The following OR11A1 variants were observed in gnomAD, a reference collection of about 807,000 sequenced individuals.
The protein encoded by OR11A1 is olfactory receptor 11A1.
For missense variants in OR11A1, 380 were observed against 378.2 expected, an observed-to-expected ratio of 1.00 and a Z score of -0.04; for synonymous variants, 158 against 152.2, an observed-to-expected ratio of 1.04 and a Z score of -0.28.
At chr6:29,438,306 G>A (rs1222168435) in intron 1 of OR11A1, among the ~76,000 whole-genome samples, 1 of 152,010 alleles carries the variant, frequency 6.6e-6, no homozygotes, top group Non-Finnish European at 1.5e-5. Flanking sequence ...ATCAAAGCAA[G>A]AAAAATTAGT....
chr6:29,447,865 A>G (rs1356285654), intron 1 of OR11A1, among the ~76,000 whole-genome samples: 1 of 152,164 alleles, frequency 6.6e-6, no homozygotes, highest in Non-Finnish European at 1.5e-5. Context: ...GACACTGGAT[A>G]TGCATTCTTT....
At position 29,451,291 on chromosome 6, in the gene OR11A1, G is replaced by A. The variant is rs556741010; in HGVS notation, c.-389+5696C>T. Among the ~76,000 whole-genome samples, 7 of 152,192 alleles carry A rather than the reference G, an allele frequency of 4.6e-5. No homozygotes were observed. The South Asian group carries it at 1.5e-3, about 32-fold the overall frequency. ...AAATACCATTCTGTACATACAAATG[G>A]GTGAAGATTTCATGATAAAGTTGTC... On this transcript the variant is annotated intron_variant, in intron 1 of 4. Coordinates refer to ENST00000377149, the MANE Select transcript of OR11A1 (RefSeq NM_001394828.1).
chr6:29,452,023 G>A (rs1785457318), intron 1 of OR11A1, among the ~76,000 whole-genome samples: 1 of 152,142 alleles, frequency 6.6e-6, no homozygotes, highest in African/African-American at 2.4e-5. Flanking sequence ...CATGGCCTTT[G>A]CAGCAACATG....
chr6:29,437,784 C>G (rs971855610), intron 1 of OR11A1, among the ~76,000 whole-genome samples: 3 of 152,200 alleles, frequency 2.0e-5, no homozygotes, highest in African/African-American at 7.2e-5. Context: ...TTATTCTACT[C>G]CATTCTGTTC....
rs990641657 is a variant in OR11A1, at chr6:29,427,679, G to A, written c.-38C>T. On this transcript the variant is annotated 5_prime_UTR_variant, in exon 5 of 5. Transcript: ENST00000377149. ...AGTTTCTGCTTGGCAATAATTGGGG[G>A]AGAAATTTTAGCATGTCTCTGCATC... is the stretch of plus-strand genomic sequence containing the variant. 1.8e-5 allele frequency: 28 copies of A among 1,572,710 alleles called. No individual in the cohort carries two copies. The highest frequency in any genetic ancestry group is 2.3e-5 in the East Asian group (1 of 44,384).
intron 1 of OR11A1, chr6:29,440,303 T>G (rs1266611468): frequency 6.2e-7 from 1 of 1,614,096 alleles, no homozygotes; most frequent in Non-Finnish European, 8.5e-7. Flanking sequence ...GCTCTGGATG[T>G]GCTCTCCAGA....
At chr6:29,450,973 G>A (rs1409975398) in intron 1 of OR11A1, among the ~76,000 whole-genome samples, 1 of 152,132 alleles carries the variant, frequency 6.6e-6, no homozygotes, top group African/African-American at 2.4e-5. Context: ...ATACTACAAG[G>A]TTACAGTAAC....
At chr6:29,451,953 G>C (rs906665128) in intron 1 of OR11A1, among the ~76,000 whole-genome samples, 1 of 152,070 alleles carries the variant, frequency 6.6e-6, no homozygotes, top group African/African-American at 2.4e-5. Context: ...GTGGACTGGA[G>C]AAGAAAAATG....
At chr6:29,427,757 A>G in intron 4 of OR11A1, 25 bp from the exon 5 acceptor site, 1 of 1,438,814 alleles carries the variant, frequency 7.0e-7, no homozygotes, top group Non-Finnish European at 9.1e-7. Flanking sequence ...AACAAAAAAG[A>G]CAAAAATGAG....
At chr6:29,428,325 G>C (rs9393960) in intron 4 of OR11A1, 260,563 of 985,116 alleles carry the variant, frequency 0.26, 35,741 homozygotes, top group Non-Finnish European at 0.28. Flanking sequence ...ATGGTAATAG[G>C]GAAGGAAGTA....
At chr6:29,440,917 A>G (rs1784126959) in intron 1 of OR11A1, 1 of 1,613,138 alleles carries the variant, frequency 6.2e-7, no homozygotes, top group Non-Finnish European at 8.5e-7. Flanking sequence ...GCTGCCCTAA[A>G]GAGAACCATC....
chr6:29,440,126 C>T, intron 1 of OR11A1: 2 of 1,613,356 alleles, frequency 1.2e-6, no homozygotes, highest in Non-Finnish European at 1.7e-6. Context: ...ACCTGCTGAC[C>T]GTGGCAGGCA....
In OR11A1 at chr6:29,426,825, T is replaced by C; in HGVS notation, c.817A>G (p.Lys273Glu). The change falls in exon 5 of 5, where the codon AAG becomes GAG. Residue 273 changes from lysine to glutamate, a missense_variant. Physicochemically the swap from Lys to Glu is moderately conservative, Grantham distance 56. Transcript: ENST00000377149. ...ACAGTGTAGAGCAGGGAGAAGACCT[T>C]GGAGAGGAGCTGGGAATGGACAGCA... is the stretch of plus-strand genomic sequence containing the variant. ...PSAVHSQLLS[K>E]VFSLLYTVVT... is the part of the protein sequence containing the mutation. The C allele has an allele frequency of 6.2e-7, 1 of 1,613,050 alleles. No homozygotes were observed. Among genetic ancestry groups the C allele is most frequent in the Non-Finnish European group, 8.5e-7 (1 of 1,180,008 alleles).
chr6:29,427,327 G>T lies in OR11A1; in HGVS notation c.315C>A (p.Phe105Leu), dbSNP rs16894899. The T allele has an allele frequency of 6.2e-7, 1 of 1,613,056 alleles. No individual in the cohort carries two copies. Among genetic ancestry groups the T allele is most frequent in the South Asian group, 1.1e-5 (1 of 91,080 alleles). ...AGCATTCAGCTGTGGCTAGAGAGCC[G>T]AAGATAAAGAACTGGAGCAAGCAAC... is the stretch of plus-strand genomic sequence containing the variant. ...VAGCLLQFFI[F>L]GSLATAECLL... is the part of the protein sequence containing the mutation. Residue 105 changes from phenylalanine to leucine, a missense_variant, in exon 5 of 5, where the codon TTC becomes TTA. Phe to Leu is a conservative substitution (Grantham distance 22). Transcript: ENST00000377149.
intron 1 of OR11A1, among the ~76,000 whole-genome samples, chr6:29,444,079 C>T (rs1784479620): frequency 6.6e-6 from 1 of 152,020 alleles, no homozygotes; most frequent in Non-Finnish European, 1.5e-5. Flanking sequence ...CCATAATTCC[C>T]ATGTGTTGTG....
At chr6:29,437,522 G>A (rs893457977) in intron 1 of OR11A1, among the ~76,000 whole-genome samples, 9 of 143,064 alleles carry the variant, frequency 6.3e-5, no homozygotes, top group African/African-American at 2.6e-4. Context: ...TGTTGATGAC[G>A]TAGGATCCAG....
intron 1 of OR11A1, among the ~76,000 whole-genome samples, chr6:29,433,050 A>T (rs139332189): frequency 2.0e-5 from 3 of 152,198 alleles, no homozygotes; most frequent in Non-Finnish European, 4.4e-5. Context: ...CTACATTATT[A>T]TGATTTTTAA....
chr6:29,454,222 G>A lies in OR11A1; in HGVS notation c.-389+2765C>T, dbSNP rs116049797. Among the ~76,000 whole-genome samples the A allele has an allele frequency of 7.1e-3, 1,079 of 152,192 alleles. 10 individuals are homozygous for A. Among genetic ancestry groups the A allele is most frequent in the African/African-American group, 0.023 (950 of 41,536 alleles). On this transcript the variant is annotated intron_variant, in intron 1 of 4. Transcript: ENST00000377149. ...ACTGCTGTTGAATTTAGCAAACAGAGATTCAAAACATCTAATATAAATAGT... is the reference window on the plus strand; with the variant it reads ...ACTGCTGTTGAATTTAGCAAACAGAAATTCAAAACATCTAATATAAATAGT...
chr6:29,427,496 A>G lies in OR11A1; in HGVS notation c.146T>C (p.Val49Ala). 1 of 1,613,100 alleles carries G rather than the reference A, an allele frequency of 6.2e-7. No homozygotes were observed. Among genetic ancestry groups the G allele is most frequent in the Non-Finnish European group, 8.5e-7 (1 of 1,180,022 alleles). Residue 49 changes from valine (V) to alanine (A), a missense_variant, in exon 5 of 5, where the codon GTA (valine) becomes GCA (alanine). Val to Ala is a moderately conservative substitution (Grantham distance 64). Coordinates refer to ENST00000377149, the MANE Select transcript of OR11A1 (RefSeq NM_001394828.1). The stretch of plus-strand genomic sequence containing the variant: ...GAGCCTCTGGGAGCTAACCACTGCT[A>G]CAATAATCAGCATATTCCCTATGAT... Reference protein sequence around the residue: ...FIIIGNMLIIVAVVSSQRLHK... With the variant: ...FIIIGNMLIIAAVVSSQRLHK...
Sources: gnomAD v4.1 joint callset for allele counts (sites outside exome capture counted in the v4.1 genomes callset) on GRCh38, gnomAD v4.1.1 for gene constraint, MANE v1.5 for transcripts, NCBI Gene and HGNC (gene_info 2026-07-23, HGNC 2026-07-21) for gene names.